The following CSMD1 variants were observed in gnomAD, a reference collection of about 807,000 sequenced individuals.
CSMD1 encodes the protein CUB and Sushi multiple domains 1, also known as CUB and sushi domain-containing protein 1.
In CSMD1, 213 loss-of-function variants were observed where a neutral mutation model predicts 417.5. That is an observed-to-expected ratio of 0.51 (90% CI 0.46 to 0.57). The LOEUF is 0.57. CSMD1 is among the 20% of genes least tolerant of loss of function. The pLI is 0.00. For synonymous variants in CSMD1, 2,862 were observed against 1,736.8 expected (o/e 1.65, Z -16.11); for missense variants, 6,923 against 4,529.7 (o/e 1.53, Z -15.17).
chr8:3,493,021 G>T (rs74304372), intron 11 of CSMD1, among the ~76,000 whole-genome samples: 1 of 152,094 alleles, frequency 6.6e-6, no homozygotes, highest in East Asian at 1.9e-4. Flanking sequence ...GGCTGGGTGC[G>T]GTGGTTCACA....
chr8:4,780,436 T>C (rs1397614113), intron 1 of CSMD1, among the ~76,000 whole-genome samples: 2 of 152,134 alleles, frequency 1.3e-5, no homozygotes, highest in Non-Finnish European at 2.9e-5. Flanking sequence ...TGTCTGTCTG[T>C]CTACCTACCT....
At chr8:4,788,060 G>A (rs968242760) in intron 1 of CSMD1, 8 of 1,595,584 alleles carry the variant, frequency 5.0e-6, no homozygotes, top group African/African-American at 2.7e-5. Context: ...AAAACTTTGA[G>A]TGGGTTGCAG....
rs1384207816 is a variant in CSMD1, at chr8:3,106,486, G to A, written c.6949+42C>T. On this transcript the variant is annotated intron_variant, in intron 46 of 69. Coordinates refer to ENST00000635120, the MANE Select transcript of CSMD1 (RefSeq NM_033225.6). ...CAATACAAACAATACAATTTTCCAT[G>A]TTGAATAAGTTTATGTAGTTTTAGT... The A allele has an allele frequency of 2.5e-6, 3 of 1,218,752 alleles. No individual in the cohort carries two copies. In the African/African-American group the frequency reaches 4.5e-5, roughly 18 times the overall value. 75.5% of individuals were successfully genotyped at this position (1,218,752 alleles called of 1,614,324 possible).
At chr8:3,686,153 G>A (rs1799934070) in intron 7 of CSMD1, among the ~76,000 whole-genome samples, 1 of 152,040 alleles carries the variant, frequency 6.6e-6, no homozygotes, top group Non-Finnish European at 1.5e-5. Context: ...CTATTAGGTA[G>A]GTTTCAAAAT....
chr8:3,789,683 G>A (rs906145201), intron 5 of CSMD1, among the ~76,000 whole-genome samples: 5 of 141,758 alleles, frequency 3.5e-5, no homozygotes, highest in African/African-American at 1.3e-4. Context: ...GTATGACCTT[G>A]TTTATTTAGT....
chr8:4,922,029 A>G (rs1409502754), intron 1 of CSMD1, among the ~76,000 whole-genome samples: 8 of 152,150 alleles, frequency 5.3e-5, no homozygotes, highest in African/African-American at 1.4e-4. Flanking sequence ...CCTTTCAAGA[A>G]TCCCCCAGCA....
At chr8:4,912,434 G>C (rs1805754136) in intron 1 of CSMD1, among the ~76,000 whole-genome samples, 1 of 151,608 alleles carries the variant, frequency 6.6e-6, no homozygotes, top group Non-Finnish European at 1.5e-5. Context: ...CAGAAAGGCT[G>C]GACAAGGATT....
chr8:2,994,000 A>G (rs1806641662), intron 54 of CSMD1, among the ~76,000 whole-genome samples: 1 of 151,474 alleles, frequency 6.6e-6, no homozygotes, highest in African/African-American at 2.4e-5. Flanking sequence ...AAAAAAGAAA[A>G]AAAATTAGCT....
At chr8:4,059,189 A>T (rs978776804) in intron 3 of CSMD1, among the ~76,000 whole-genome samples, 2 of 152,186 alleles carry the variant, frequency 1.3e-5, no homozygotes, top group Non-Finnish European at 2.9e-5. Context: ...CTGCTGAATG[A>T]CTACTGGGTA....
chr8:4,620,560 A>G (rs1256238144), intron 2 of CSMD1, among the ~76,000 whole-genome samples: 3 of 151,848 alleles, frequency 2.0e-5, no homozygotes, highest in Non-Finnish European at 4.4e-5. Context: ...TGCACAGAGT[A>G]TATTTTTTAA....
At chr8:4,201,236 G>C (rs1042423820) in intron 3 of CSMD1, among the ~76,000 whole-genome samples, 1 of 152,154 alleles carries the variant, frequency 6.6e-6, no homozygotes, top group Non-Finnish European at 1.5e-5. Flanking sequence ...GGTGAGTATG[G>C]TTGTAAGTAA....
chr8:4,268,135 T>C (rs75293123), intron 3 of CSMD1, among the ~76,000 whole-genome samples: 118 of 152,270 alleles, frequency 7.7e-4, no homozygotes, highest in African/African-American at 8.2e-4. Context: ...GTTAAACATA[T>C]GTCCAAATCC....
At chr8:4,886,274 T>C (rs1281249540) in intron 1 of CSMD1, among the ~76,000 whole-genome samples, 2 of 152,076 alleles carry the variant, frequency 1.3e-5, no homozygotes, top group Non-Finnish European at 2.9e-5. Context: ...TCTGATCCGT[T>C]TTGAGCTTCA....
chr8:4,019,377 GAAGCTGC>G (rs1796676022), intron 4 of CSMD1, among the ~76,000 whole-genome samples: 1 of 152,130 alleles, frequency 6.6e-6, no homozygotes, highest in Admixed American at 6.5e-5. Context: ...ACATCTCCGT[GAAGCTGC>G]AAGCATACTA....
At chr8:3,974,588 C>G (rs900707753) in intron 5 of CSMD1, among the ~76,000 whole-genome samples, 4 of 151,756 alleles carry the variant, frequency 2.6e-5, no homozygotes, top group Admixed American at 2.0e-4. Context: ...AATCCTTTTT[C>G]TAATAACAAC....
At chr8:4,493,837 A>G (rs1220910162) in intron 2 of CSMD1, among the ~76,000 whole-genome samples, 4 of 152,244 alleles carry the variant, frequency 2.6e-5, no homozygotes, top group Non-Finnish European at 5.9e-5. Context: ...ACAGCAGGAC[A>G]CAGTTTTTAT....
chr8:4,166,239 T>A (rs1207534490), intron 3 of CSMD1, among the ~76,000 whole-genome samples: 3 of 152,202 alleles, frequency 2.0e-5, no homozygotes, highest in Admixed American at 6.5e-5. Context: ...ATATCCAGAT[T>A]ATCATATCAA....
At chr8:4,239,094 G>A (rs1230074980) in intron 3 of CSMD1, among the ~76,000 whole-genome samples, 1 of 152,088 alleles carries the variant, frequency 6.6e-6, no homozygotes, top group Admixed American at 6.6e-5. Flanking sequence ...ATGTCACATA[G>A]TATTTTCTTA....
chr8:4,904,016 T>G (rs1805070410), intron 1 of CSMD1, among the ~76,000 whole-genome samples: 1 of 152,252 alleles, frequency 6.6e-6, no homozygotes, highest in South Asian at 2.1e-4. Context: ...TTATTTCTTT[T>G]ATTTTAATAC....
Sources: allele counts gnomAD v4.1 joint callset (sites outside exome capture counted in the v4.1 genomes callset), GRCh38; gene constraint gnomAD v4.1.1; transcripts MANE v1.5; gene names NCBI Gene and HGNC (gene_info 2026-07-23, HGNC 2026-07-21).